Variants in PRPF40B observed in about 807,000 individuals in gnomAD.
PRPF40B encodes pre-mRNA-processing factor 40 homolog B.
A neutral mutation model predicts 124.5 loss-of-function variants in PRPF40B; 56 were observed. That is an observed-to-expected ratio of 0.45 (90% CI 0.36 to 0.56). PRPF40B has a LOEUF of 0.56. Ranked by LOEUF, PRPF40B falls within the 20% of genes least tolerant of loss-of-function variation. PRPF40B has a pLI of 0.00. For missense variants in PRPF40B, 1,053 were observed against 1,169.5 expected (o/e 0.90, Z 1.45); for synonymous variants, 443 against 426.4 (o/e 1.04, Z -0.48).
rs1033499567 is a variant in PRPF40B at position 49,644,472 on chromosome 12, G to A, written c.*280G>A. 1.8e-5 allele frequency: 8 copies of A among 444,126 alleles called. No homozygotes were observed. The highest frequency in any genetic ancestry group is 1.3e-4 in the South Asian group (6 of 44,902). 27.5% of individuals were successfully genotyped at this position (444,126 alleles called of 1,614,324 possible). A position where few individuals can be genotyped will look rare whatever the true frequency, so the allele number is the denominator to read the frequency against. ...GATGCCAGTAGATAAAAGTGTGAGAGAAGGGGTCTCCAGGGAAGAGTCACA... is the reference window on the plus strand; with the variant it reads ...GATGCCAGTAGATAAAAGTGTGAGAAAAGGGGTCTCCAGGGAAGAGTCACA... On this transcript the variant is annotated 3_prime_UTR_variant, in exon 26 of 26. Transcript: ENST00000548825.
At chr12:49,641,860 GGCCTCAGGCACGTGGTGCCCCT>G (rs1565848868) in intron 18 of PRPF40B, 26 bp from the exon 19 acceptor site, 1 of 1,523,682 alleles carries the variant, frequency 6.6e-7, no homozygotes. Context: ...TGCCAGCTTT[GGCCTCAGGCACGTGGTGCCCCT>G]GCTTCATGCA....
chr12:49,631,797 C>G lies in PRPF40B; in HGVS notation c.229-63C>G. On this transcript the variant is annotated intron_variant, in intron 3 of 25. Coordinates refer to ENST00000548825, the MANE Select transcript of PRPF40B (RefSeq NM_001031698.3). This position sits in a 1 kb window ranked among gnomAD's most constrained non-coding sequence, Gnocchi z 4.3. ...AGATGTCTCAGGACCCTTTGAGGTA[C>G]CCTGTCCCTCCTGTTCCAGCCCTTA... The G allele has an allele frequency of 6.6e-7, 1 of 1,512,638 alleles. No individual in the cohort carries two copies. Among genetic ancestry groups the G allele is most frequent in the Non-Finnish European group, 9.2e-7 (1 of 1,089,050 alleles). The allele number at this position is 1,512,638 out of a possible 1,614,324, so 93.7% of individuals were successfully genotyped here.
At position 49,637,720 on chromosome 12, in the gene PRPF40B, TC is replaced by T; in HGVS notation, c.1676-10del. ...CTGCCGCCCGCCAGGCCCCCCTCCC[TC>T]CCTCCTTACAGGCTCCACCCCTCTG... On this transcript the variant is annotated splice_polypyrimidine_tract_variant and intron_variant, in intron 17 of 25. Transcript: ENST00000548825. The T allele has an allele frequency of 1.6e-6, 1 of 634,106 alleles. No individual in the cohort carries two copies. The highest frequency in any genetic ancestry group is 2.6e-6 in the Non-Finnish European group (1 of 390,486). The allele number at this position is 634,106 out of a possible 1,614,324, so 39.3% of individuals were successfully genotyped here.
rs1331069415 is a variant in PRPF40B at position 49,631,731 on chromosome 12, T to C, written c.229-129T>C. 4.8e-6 allele frequency: 6 copies of C among 1,238,094 alleles called. No individual in the cohort carries two copies. Among genetic ancestry groups the C allele is most frequent in the South Asian group, 2.5e-5 (2 of 81,170 alleles). The allele number at this position is 1,238,094 out of a possible 1,614,324, so 76.7% of individuals were successfully genotyped here. On this transcript the variant is annotated intron_variant, in intron 3 of 25. Transcript: ENST00000548825. The surrounding 1 kb of genome is among the most constrained non-coding windows in gnomAD (Gnocchi z 4.3). ...AAGGTGAGAGGCCAGAATCTGGGGA[T>C]TGCCTGAGGAAGTGCCCAAGTGAGG...
chr12:49,642,917 C>A lies in PRPF40B; in HGVS notation c.2119-13C>A. ...TGGTGCTGTCCTCACCCTTCTTCCT[C>A]TGCCTCTAGCAGACTGAATGCCAGC... On this transcript the variant is annotated splice_polypyrimidine_tract_variant and intron_variant, in intron 21 of 25. Transcript: ENST00000548825. The surrounding 1 kb of genome is among the most constrained non-coding windows in gnomAD (Gnocchi z 5.8). 6.2e-7 allele frequency: 1 copy of A among 1,610,452 alleles called. No homozygotes were observed. Among genetic ancestry groups the A allele is most frequent in the East Asian group, 2.2e-5 (1 of 44,788 alleles).
chr12:49,640,388 A>C (rs1002019336), intron 18 of PRPF40B: 1 of 152,272 alleles, frequency 6.6e-6, no homozygotes, highest in Non-Finnish European at 1.5e-5. Flanking sequence ...TCTCAGGAAC[A>C]TGCATATGCA....
intron 16 of PRPF40B, chr12:49,637,241 C>A (rs1941951482): frequency 1.7e-6 from 1 of 577,948 alleles, no homozygotes; most frequent in African/African-American, 1.9e-5. Flanking sequence ...CATCCCGGGA[C>A]TGGCTTGTTC....
chr12:49,642,214 C>T lies in PRPF40B; in HGVS notation c.1885-21C>T, dbSNP rs1296063976. 1.2e-6 allele frequency: 2 copies of T among 1,614,102 alleles called. No individual in the cohort carries two copies. The highest frequency in any genetic ancestry group is 4.5e-5 in the East Asian group (2 of 44,884). On this transcript the variant is annotated intron_variant, in intron 19 of 25. Coordinates refer to ENST00000548825, the MANE Select transcript of PRPF40B (RefSeq NM_001031698.3). This position sits in a 1 kb window ranked among gnomAD's most constrained non-coding sequence, Gnocchi z 5.8. ...ATCCACCCTCCTGGGTGACCCTGTT[C>T]CGTGTCCCTTCTTTCCTCAGCTGCT...
Position 49,642,653 on chromosome 12 carries a change from G to T in PRPF40B, c.2096G>T (p.Arg699Leu). The T allele has an allele frequency of 6.2e-7, 1 of 1,614,074 alleles. No individual in the cohort carries two copies. Among genetic ancestry groups the T allele is most frequent in the Non-Finnish European group, 8.5e-7 (1 of 1,179,992 alleles). ...GAGTCGGAGCGGATCCGGCTCTTCC[G>T]GGAGTTCCTACAGGTGCTGGAGGTG... ...TLESERIRLF[R>L]EFLQVLETEC... is the part of the protein sequence containing the mutation. The change falls in exon 21 of 26, where the codon CGG becomes CTG. Residue 699 changes from arginine to leucine, a missense_variant. Around this residue, in one of 2 missense-constraint regions of PRPF40B, gnomAD observed 895 missense variants for 1,052.2 expected, o/e 0.85. Coordinates refer to ENST00000548825, the MANE Select transcript of PRPF40B (RefSeq NM_001031698.3). The surrounding 1 kb of genome is among the most constrained non-coding windows in gnomAD (Gnocchi z 5.8).
chr12:49,643,439 C>T, intron 23 of PRPF40B, 42 bp downstream of exon 23: 1 of 1,525,418 alleles, frequency 6.6e-7, no homozygotes, highest in Non-Finnish European at 8.8e-7. Context: ...GAACTGTTGT[C>T]CCAGACTGAG....
chr12:49,635,940 C>A lies in PRPF40B; in HGVS notation c.1373C>A (p.Ala458Asp). The change falls in exon 15 of 26, where the codon GCC becomes GAC. Residue 458 changes from alanine (A) to aspartate (D), a missense_variant. By Grantham distance (126) the Ala-to-Asp change is moderately radical. This residue lies in a region of PRPF40B where 895 missense variants were observed against 1,052.2 expected (regional missense o/e 0.85). Transcript: ENST00000548825. This position sits in a 1 kb window ranked among gnomAD's most constrained non-coding sequence, Gnocchi z 4.1. ...AACTTCCAAACCACGTGGTCCCAGG[C>A]CCAGCAGTACCTCATGGATAACCCC... ...SVNFQTTWSQ[A>D]QQYLMDNPSF... The A allele has an allele frequency of 6.2e-7, 1 of 1,614,116 alleles. No individual in the cohort carries two copies. The highest frequency in any genetic ancestry group is 8.5e-7 in the Non-Finnish European group (1 of 1,179,988).
In PRPF40B at chr12:49,632,332, C is replaced by T. The variant is rs367671687; in HGVS notation, c.295-264C>T. 7.0e-6 allele frequency: 4 copies of T among 567,490 alleles called. No individual in the cohort carries two copies. The East Asian group carries it at 8.6e-5, about 12-fold the overall frequency. 35.2% of individuals were successfully genotyped at this position (567,490 alleles called of 1,614,324 possible). ...CTGGGTAGGATATAGAATTTGGCAT[C>T]CACTGTGAAGGAATGAGCCTCGGGA... On this transcript the variant is annotated intron_variant, in intron 4 of 25. Transcript: ENST00000548825.
Position 49,642,999 on chromosome 12 carries a change from C to T in PRPF40B, c.2188C>T (p.Arg730Cys), listed in dbSNP as rs764267443. The change falls in exon 22 of 26, where the codon CGT becomes TGT. Residue 730 changes from arginine to cysteine, a missense_variant. This residue lies in a region of PRPF40B where 895 missense variants were observed against 1,052.2 expected (regional missense o/e 0.85). Coordinates refer to ENST00000548825, the MANE Select transcript of PRPF40B (RefSeq NM_001031698.3). The surrounding 1 kb of genome is among the most constrained non-coding windows in gnomAD (Gnocchi z 5.8). ...GAAAGGCAAGAAGCACCATCACAAG[C>T]GTTCCCACTCACCCTCAGTGAGTAA... ...GRKGKKHHHK[R>C]SHSPSGSESE... 10 of 1,613,648 alleles carry T rather than the reference C, an allele frequency of 6.2e-6. No individual in the cohort carries two copies. Among genetic ancestry groups the T allele is most frequent in the South Asian group, 2.2e-5 (2 of 91,004 alleles).
chr12:49,641,406 C>T (rs1347463090), intron 18 of PRPF40B: 2 of 153,186 alleles, frequency 1.3e-5, no homozygotes, highest in Non-Finnish European at 1.5e-5. Context: ...ACCTTGGTTT[C>T]TCCTTCTGTG....
chr12:49,632,295 G>A (rs1941298688), intron 4 of PRPF40B: 1 of 575,190 alleles, frequency 1.7e-6, no homozygotes, highest in Non-Finnish European at 3.1e-6. Context: ...CTATCGCTCA[G>A]TGTAGCAGAG....
intron 1 of PRPF40B, among the ~76,000 whole-genome samples, chr12:49,626,364 A>G (rs187557094): frequency 6.6e-6 from 1 of 152,238 alleles, no homozygotes. Flanking sequence ...CATGAGTGGG[A>G]GACAAGCAGT....
chr12:49,633,826 C>T (rs888107584), intron 9 of PRPF40B, 60 bp from the exon 10 acceptor site: 1 of 1,608,936 alleles, frequency 6.2e-7, no homozygotes, highest in Non-Finnish European at 8.5e-7. Flanking sequence ...AACCAGCCAG[C>T]CCCTGAAGTC....
At position 49,644,336 on chromosome 12, in the gene PRPF40B, A is replaced by G; in HGVS notation, c.*144A>G. On this transcript the variant is annotated 3_prime_UTR_variant, in exon 26 of 26. Transcript: ENST00000548825. ...CCACCCCCAGCACACCATTGTTGGC[A>G]CCTCTCAAGGTTGCTCTTGGTGTTC... 1.1e-6 allele frequency: 1 copy of G among 928,618 alleles called. No homozygotes were observed. Among genetic ancestry groups the G allele is most frequent in the East Asian group, 2.6e-5 (1 of 37,824 alleles). 57.5% of individuals were successfully genotyped at this position (928,618 alleles called of 1,614,324 possible).
intron 17 of PRPF40B, 72 bp from the exon 18 acceptor site, chr12:49,637,661 C>T (rs1038712935): frequency 5.8e-6 from 9 of 1,556,038 alleles, no homozygotes; most frequent in African/African-American, 1.4e-5. Flanking sequence ...ACTACCGGCT[C>T]CTGTCCTCGG....
Sources: allele counts gnomAD v4.1 joint callset (sites outside exome capture counted in the v4.1 genomes callset), GRCh38; gene constraint gnomAD v4.1.1; regional missense constraint gnomAD v4.1.1; non-coding constraint Gnocchi (gnomAD v3.1); transcripts MANE v1.5; gene names NCBI Gene and HGNC (gene_info 2026-07-23, HGNC 2026-07-21).